Variants in SORBS2 observed in about 807,000 individuals in gnomAD.
SORBS2 encodes the protein sorbin and SH3 domain-containing protein 2.
A neutral mutation model predicts 97.7 loss-of-function variants in SORBS2; 46 were observed. That is an observed-to-expected ratio of 0.47 (90% CI 0.37 to 0.60). SORBS2 has a LOEUF of 0.60. Ranked by LOEUF, SORBS2 falls within the 20% of genes least tolerant of loss-of-function variation. The pLI is 0.00. For synonymous variants in SORBS2, 476 were observed against 473.4 expected (o/e 1.01, Z -0.07); for missense variants, 1,316 against 1,282.3 (o/e 1.03, Z -0.40).
intron 2 of SORBS2, among the ~76,000 whole-genome samples, chr4:185,716,313 C>G (rs1210759501): frequency 6.6e-6 from 1 of 152,216 alleles, no homozygotes. Flanking sequence ...GACTTATCCT[C>G]TCTCTGAACC....
intron 11 of SORBS2, among the ~76,000 whole-genome samples, chr4:185,613,425 G>A (rs1041108816): frequency 7.9e-5 from 12 of 152,110 alleles, no homozygotes; most frequent in Admixed American, 2.0e-4. Flanking sequence ...CAAGGCGGGC[G>A]GATCATGAGG....
chr4:185,652,546 G>T, intron 2 of SORBS2, 116 bp downstream of exon 10: 1 of 794,910 alleles, frequency 1.3e-6, no homozygotes, highest in South Asian at 1.5e-5. Flanking sequence ...GAAAAGAAAG[G>T]GGACACGGAG....
chr4:185,734,880 CTT>C (rs1171214985), intron 2 of SORBS2, among the ~76,000 whole-genome samples: 1 of 152,198 alleles, frequency 6.6e-6, no homozygotes. Flanking sequence ...TACACCAGCT[CTT>C]GAGGATCCTT....
chr4:185,688,167 G>C (rs2098008404), intron 2 of SORBS2, among the ~76,000 whole-genome samples: 1 of 152,064 alleles, frequency 6.6e-6, no homozygotes, highest in Admixed American at 6.6e-5. Flanking sequence ...AACATGTTTT[G>C]TATATATTTT....
chr4:185,810,610 T>C (rs1357828551), intron 1 of SORBS2: 1 of 152,240 alleles, frequency 6.6e-6, no homozygotes, highest in African/African-American at 2.4e-5. Flanking sequence ...CTGACTTGAG[T>C]AAAGCTGAAA....
chr4:185,718,804 G>A (rs2098486456), intron 2 of SORBS2, among the ~76,000 whole-genome samples: 1 of 151,900 alleles, frequency 6.6e-6, no homozygotes, highest in Non-Finnish European at 1.5e-5. Flanking sequence ...TTTGCAAAGT[G>A]AGAGAGTCAG....
At chr4:185,785,660 T>C (rs144514952) in intron 1 of SORBS2, among the ~76,000 whole-genome samples, 1 of 152,304 alleles carries the variant, frequency 6.6e-6, no homozygotes, top group Non-Finnish European at 1.5e-5. Context: ...GGCCCTTGAC[T>C]CATAATTGTT....
chr4:185,888,857 ATTGT>A (rs1169942189), intron 1 of SORBS2, among the ~76,000 whole-genome samples: 1 of 152,186 alleles, frequency 6.6e-6, no homozygotes, highest in Admixed American at 6.5e-5. Flanking sequence ...CCCTCTCATG[ATTGT>A]TTGCAAACTG....
At chr4:185,768,635 G>A (rs1033687248) in intron 2 of SORBS2, among the ~76,000 whole-genome samples, 1 of 148,582 alleles carries the variant, frequency 6.7e-6, no homozygotes, top group Non-Finnish European at 1.5e-5. Context: ...GGAGGCGGAG[G>A]TTGCAGTGAG....
chr4:185,785,022 C>T (rs1476237884), intron 1 of SORBS2, among the ~76,000 whole-genome samples: 5 of 151,932 alleles, frequency 3.3e-5, no homozygotes, highest in Non-Finnish European at 4.4e-5. Context: ...CAACAGGAAA[C>T]ACAAAACAGG....
intron 1 of SORBS2, among the ~76,000 whole-genome samples, chr4:185,897,974 T>G (rs1485644685): frequency 6.6e-6 from 1 of 151,952 alleles, no homozygotes; most frequent in Non-Finnish European, 1.5e-5. Context: ...GAAGCAAAGG[T>G]TGCAGTGAGC....
intron 1 of SORBS2, among the ~76,000 whole-genome samples, chr4:185,863,950 G>A (rs1297505721): frequency 2.6e-5 from 4 of 152,172 alleles, no homozygotes; most frequent in South Asian, 4.2e-4. Context: ...GAAGATAAAG[G>A]TCTCTACAGG....
chr4:185,648,946 A>C (rs2097263012), intron 3 of SORBS2, among the ~76,000 whole-genome samples: 1 of 152,224 alleles, frequency 6.6e-6, no homozygotes, highest in Non-Finnish European at 1.5e-5. Flanking sequence ...AGTGTTTATA[A>C]ATTTTTATTT....
At chr4:185,835,137 A>C (rs1242738506) in intron 1 of SORBS2, among the ~76,000 whole-genome samples, 1 of 152,118 alleles carries the variant, frequency 6.6e-6, no homozygotes, top group East Asian at 1.9e-4. Context: ...CCATGAGTAA[A>C]AGCTTCCTGA....
chr4:185,875,548 T>C (rs955359358), intron 1 of SORBS2, among the ~76,000 whole-genome samples: 9 of 152,264 alleles, frequency 5.9e-5, no homozygotes, highest in Admixed American at 5.9e-4. Context: ...CTTTTCATTT[T>C]ACAGTGCTTA....
intron 5 of SORBS2, among the ~76,000 whole-genome samples, chr4:185,628,491 G>A (rs979525217): frequency 3.9e-5 from 6 of 152,168 alleles, no homozygotes; most frequent in African/African-American, 9.7e-5. Flanking sequence ...GATGGCTCAC[G>A]TCTGTAATCA....
upstream of SORBS2, among the ~76,000 whole-genome samples, chr4:185,661,083 T>C (rs2097510039): frequency 6.6e-6 from 1 of 151,554 alleles, no homozygotes; most frequent in Admixed American, 6.6e-5. Context: ...GAGACCAACC[T>C]GGCCAACATG....
chr4:185,893,468 C>T (rs1432990335), intron 1 of SORBS2, among the ~76,000 whole-genome samples: 3 of 152,166 alleles, frequency 2.0e-5, no homozygotes, highest in African/African-American at 7.2e-5. Context: ...CCGGGCCCTT[C>T]AGCACCTCAC....
intron 1 of SORBS2, among the ~76,000 whole-genome samples, chr4:185,653,978 C>T (rs1386559366): frequency 6.6e-6 from 1 of 152,164 alleles, no homozygotes; most frequent in Admixed American, 6.5e-5. Context: ...ATTTTATTGC[C>T]TGATCTTTTT....
Sources: gnomAD v4.1 joint callset for allele counts (sites outside exome capture counted in the v4.1 genomes callset) on GRCh38, gnomAD v4.1.1 for gene constraint, MANE v1.5 for transcripts, NCBI Gene and HGNC (gene_info 2026-07-23, HGNC 2026-07-21) for gene names.